FAM240B: variants seen among roughly 807,000 people sequenced by gnomAD.
FAM240B encodes protein FAM240B.
intron 2 of FAM240B, among the ~76,000 whole-genome samples, chr9:38,702,361 T>G (rs1201161807): frequency 3.9e-5 from 6 of 152,172 alleles, no homozygotes; most frequent in Non-Finnish European, 7.3e-5. Context: ...AACTTTGAGT[T>G]TTACTCATGT....
intron 1 of FAM240B, among the ~76,000 whole-genome samples, chr9:38,708,616 A>G (rs1208484141): frequency 1.3e-5 from 2 of 152,174 alleles, no homozygotes; most frequent in African/African-American, 4.8e-5. Context: ...TTGCTTAGCC[A>G]TGAAGTGGAG....
chr9:38,714,712 C>G (rs550694324), intron 1 of FAM240B, among the ~76,000 whole-genome samples: 5 of 152,296 alleles, frequency 3.3e-5, no homozygotes, highest in Non-Finnish European at 7.3e-5. Context: ...AGCTCAAATT[C>G]TGGAATATTT....
intron 1 of FAM240B, among the ~76,000 whole-genome samples, chr9:38,707,307 C>G (rs763977038): frequency 3.3e-5 from 5 of 152,226 alleles, no homozygotes; most frequent in Admixed American, 6.5e-5. Flanking sequence ...ACAGCCTGCT[C>G]ACATCCGCAC....
chr9:38,710,997 A>G (rs1821248746), intron 1 of FAM240B, among the ~76,000 whole-genome samples: 1 of 152,100 alleles, frequency 6.6e-6, no homozygotes, highest in African/African-American at 2.4e-5. Flanking sequence ...CGGGACAGAG[A>G]GATGGCGGCT....
At chr9:38,700,399 A>T (rs1362793422) in intron 2 of FAM240B, among the ~76,000 whole-genome samples, 1 of 152,128 alleles carries the variant, frequency 6.6e-6, no homozygotes, top group African/African-American at 2.4e-5. Flanking sequence ...CACTGTTGAG[A>T]TCTGCTAAAT....
At chr9:38,716,200 G>A (rs896803376) in intron 1 of FAM240B, among the ~76,000 whole-genome samples, 30 of 152,136 alleles carry the variant, frequency 2.0e-4, no homozygotes, top group African/African-American at 6.5e-4. Flanking sequence ...GGCCCGGTGC[G>A]GTGGCTCAAG....
intron 1 of FAM240B, among the ~76,000 whole-genome samples, chr9:38,704,649 T>G (rs1462367683): frequency 6.6e-6 from 1 of 152,230 alleles, no homozygotes; most frequent in South Asian, 2.1e-4. Flanking sequence ...CTAAGCCTCA[T>G]GCATGACAAA....
intron 2 of FAM240B, among the ~76,000 whole-genome samples, chr9:38,703,084 G>A (rs546654690): frequency 6.6e-6 from 1 of 152,262 alleles, no homozygotes; most frequent in Middle Eastern, 3.4e-3. Flanking sequence ...TCTTAGCACA[G>A]AACAACCCTC....
Position 38,717,353 on chromosome 9 carries a change from G to A in FAM240B, c.-4+2669C>T, listed in dbSNP as rs907119578. Among the ~76,000 whole-genome samples the A allele has an allele frequency of 2.0e-5, 3 of 152,204 alleles. No individual in the cohort carries two copies. The East Asian group carries it at 5.9e-4, about 30-fold the overall frequency. On this transcript the variant is annotated intron_variant, in intron 1 of 2. Transcript: ENST00000637493. ...CCCGGCATTTTGGGAGGCCAAGGCG[G>A]GCGGATCACGAGGTCAGGAGATCGA...
intron 1 of FAM240B, among the ~76,000 whole-genome samples, chr9:38,716,285 A>C (rs918292386): frequency 2.0e-5 from 3 of 152,136 alleles, no homozygotes; most frequent in Admixed American, 6.5e-5. Flanking sequence ...CAGCCTGGCC[A>C]ACACAGTGAA....
chr9:38,708,364 C>G (rs1175035495), intron 1 of FAM240B, among the ~76,000 whole-genome samples: 2 of 152,204 alleles, frequency 1.3e-5, no homozygotes, highest in African/African-American at 4.8e-5. Context: ...TCTGGCTGTT[C>G]AGGCTCGCTA....
At chr9:38,715,390 A>G (rs549298903) in intron 1 of FAM240B, among the ~76,000 whole-genome samples, 12 of 152,348 alleles carry the variant, frequency 7.9e-5, no homozygotes, top group Admixed American at 3.9e-4. Flanking sequence ...GCCTGACACA[A>G]TAAGTGCTTA....
chr9:38,716,286 A>T (rs1033143195), intron 1 of FAM240B, among the ~76,000 whole-genome samples: 18 of 152,266 alleles, frequency 1.2e-4, no homozygotes, highest in African/African-American at 4.3e-4. Flanking sequence ...AGCCTGGCCA[A>T]CACAGTGAAA....
At chr9:38,707,491 A>G (rs78128097) in intron 1 of FAM240B, among the ~76,000 whole-genome samples, 8,723 of 152,114 alleles carry the variant, frequency 0.057, 327 homozygotes, top group Non-Finnish European at 0.086. Flanking sequence ...AACCTGGGCC[A>G]GACGTGGTGG....
At chr9:38,699,356 T>G (rs921601480) in intron 2 of FAM240B, among the ~76,000 whole-genome samples, 2 of 152,236 alleles carry the variant, frequency 1.3e-5, no homozygotes, top group Non-Finnish European at 2.9e-5. Context: ...TGTGTCAGTT[T>G]GGGTCCTCCA....
intron 1 of FAM240B, among the ~76,000 whole-genome samples, chr9:38,704,378 G>T (rs528006337): frequency 1.3e-5 from 2 of 152,148 alleles, no homozygotes; most frequent in East Asian, 1.9e-4. Flanking sequence ...GAAATCCAAA[G>T]AAATTCTGTG....
At chr9:38,694,897 C>T (rs1484750866) in intron 2 of FAM240B, 28 bp from the exon 3 acceptor site, 3 of 398,508 alleles carry the variant, frequency 7.5e-6, no homozygotes, top group African/African-American at 4.1e-5. Context: ...TGCACATGCT[C>T]AGTGCATTTG....
intron 1 of FAM240B, among the ~76,000 whole-genome samples, chr9:38,711,963 T>C (rs979155463): frequency 5.3e-5 from 8 of 152,042 alleles, no homozygotes; most frequent in African/African-American, 1.7e-4. Flanking sequence ...CCCTCCAAAA[T>C]TCCATCAGGC....
intron 1 of FAM240B, among the ~76,000 whole-genome samples, chr9:38,717,438 C>G (rs1408276506): frequency 1.3e-5 from 2 of 151,940 alleles, no homozygotes; most frequent in African/African-American, 4.8e-5. Flanking sequence ...TTGAGTATAG[C>G]GAGAGACTCT....
Sources: allele counts gnomAD v4.1 joint callset (sites outside exome capture counted in the v4.1 genomes callset), GRCh38; gene constraint gnomAD v4.1.1; transcripts MANE v1.5; gene names NCBI Gene and HGNC (gene_info 2026-07-23, HGNC 2026-07-21).